Variants in LGALS13 observed in about 807,000 individuals in gnomAD.
The protein encoded by LGALS13 is galactoside-binding soluble lectin 13.
In LGALS13, 11 loss-of-function variants were observed where a neutral mutation model predicts 13.2. The ratio of observed to expected loss-of-function variants is 0.83; its 90% CI spans 0.52 to 1.38. The LOEUF is 1.38. Among genes scored for constraint, LGALS13 ranks in the 40% most tolerant of loss-of-function variants. The pLI is 0.00. For synonymous variants in LGALS13, 71 were observed against 63.7 expected, an observed-to-expected ratio of 1.11 and a Z score of -0.54; for missense variants, 183 against 174.3, an observed-to-expected ratio of 1.05 and a Z score of -0.28.
intron 2 of LGALS13, 40 bp downstream of exon 2, chr19:39,604,718 G>A (rs1352871303): frequency 1.2e-6 from 2 of 1,609,934 alleles, no homozygotes; most frequent in South Asian, 1.1e-5. Flanking sequence ...TGGAGAAGAA[G>A]GGAGAATATT....
At chr19:39,604,772 G>A in intron 2 of LGALS13, 94 bp downstream of exon 2, 2 of 1,492,114 alleles carry the variant, frequency 1.3e-6, no homozygotes, top group East Asian at 4.5e-5. Context: ...GAAATGTCTA[G>A]TTGGCAGAAT....
Position 39,605,278 on chromosome 19 carries a change from A to G in LGALS13, c.193A>G (p.Asn65Asp). ...GCACTTTGGCAATCATGTGGTCATGAACAGGCGTGAGTTTGGGATATGGAT... is the reference window on the plus strand; with the variant it reads ...GCACTTTGGCAATCATGTGGTCATGGACAGGCGTGAGTTTGGGATATGGAT... ...RVHFGNHVVM[N>D]RREFGIWMLE... The change falls in exon 3 of 4, where the codon AAC becomes GAC. Residue 65 changes from asparagine (N) to aspartate (D), a missense_variant. Asn to Asp is a conservative substitution (Grantham distance 23, BLOSUM62 1). Transcript: ENST00000221797. 6.2e-7 allele frequency: 1 copy of G among 1,614,208 alleles called. No individual in the cohort carries two copies. Among genetic ancestry groups the G allele is most frequent in the Non-Finnish European group, 8.5e-7 (1 of 1,180,028 alleles).
rs1393301797 is a variant in LGALS13 at position 39,607,206 on chromosome 19, C to CA, written c.304-16dup. The stretch of plus-strand genomic sequence containing the variant: ...TTGGTGGCATGCTTTCTTTCTGATG[C>CA]ATTTTTCCTCTTGTAGATAAAGGTC... On this transcript the variant is annotated splice_polypyrimidine_tract_variant and intron_variant, in intron 3 of 3. Coordinates refer to ENST00000221797, the MANE Select transcript of LGALS13 (RefSeq NM_013268.3). 2 of 1,584,702 alleles carry CA rather than the reference C, an allele frequency of 1.3e-6. No individual in the cohort carries two copies. The highest frequency in any genetic ancestry group is 4.5e-5 in the East Asian group (2 of 44,704).
In LGALS13 at chr19:39,604,737, T is replaced by G; in HGVS notation, c.92+59T>G. The G allele has an allele frequency of 7.5e-6, 12 of 1,597,264 alleles. No homozygotes were observed. The Admixed American group carries it at 2.0e-4, about 27-fold the overall frequency. The stretch of plus-strand genomic sequence containing the variant: ...GAAGAAGGGAGAATATTTGCGAAGA[T>G]TTGACCTTACATGTGGGTGATGTGG... On this transcript the variant is annotated intron_variant, in intron 2 of 3. Coordinates refer to ENST00000221797, the MANE Select transcript of LGALS13 (RefSeq NM_013268.3).
intron 2 of LGALS13, 146 bp from the exon 3 acceptor site, chr19:39,605,031 CT>C: frequency 1.3e-6 from 1 of 751,602 alleles, no homozygotes; most frequent in African/African-American, 1.7e-5. Flanking sequence ...GCATGAGGAG[CT>C]GAAGCATCCC....
intron 3 of LGALS13, among the ~76,000 whole-genome samples, chr19:39,606,903 T>C (rs1311591043): frequency 6.6e-6 from 1 of 152,140 alleles, no homozygotes; most frequent in Non-Finnish European, 1.5e-5. Context: ...CTGTGCGAGA[T>C]GCAGGGTCTC....
Position 39,607,423 on chromosome 19 carries a change from C to A in LGALS13, c.*84C>A. On this transcript the variant is annotated 3_prime_UTR_variant, in exon 4 of 4. Coordinates refer to ENST00000221797, the MANE Select transcript of LGALS13 (RefSeq NM_013268.3). The stretch of plus-strand genomic sequence containing the variant: ...TCCCAGAACCTGCTAACAGAATAAT[C>A]CCTGCTCACATTTTCCCCTACACTT... 2.2e-6 allele frequency: 2 copies of A among 897,110 alleles called. No homozygotes were observed. Among genetic ancestry groups the A allele is most frequent in the Non-Finnish European group, 3.8e-6 (2 of 531,286 alleles). The allele number at this position is 897,110 out of a possible 1,614,324, so 55.6% of individuals were successfully genotyped here. A position where few individuals can be genotyped will look rare whatever the true frequency, so the allele number is the denominator to read the frequency against.
At chr19:39,604,709 G>A in intron 2 of LGALS13, 31 bp downstream of exon 2, 1 of 1,608,298 alleles carries the variant, frequency 6.2e-7, no homozygotes, top group South Asian at 1.1e-5. Context: ...TGGAGGGGTT[G>A]GAGAAGAAGG....
chr19:39,606,558 TAAG>T (rs1388357083), intron 3 of LGALS13, among the ~76,000 whole-genome samples: 5 of 152,236 alleles, frequency 3.3e-5, no homozygotes, highest in Admixed American at 3.3e-4. Context: ...TTAATACTAA[TAAG>T]GTTACTTTCT....
At chr19:39,605,446 A>C in intron 3 of LGALS13, 58 bp downstream of exon 3, 1 of 1,417,132 alleles carries the variant, frequency 7.1e-7, no homozygotes, top group Non-Finnish European at 1.0e-6. Flanking sequence ...AACAGGAGGC[A>C]GCTCTCATTG....
At position 39,602,591 on chromosome 19, in the gene LGALS13, G is replaced by C; in HGVS notation, c.15+8G>C. On this transcript the variant is annotated splice_region_variant and intron_variant, in intron 1 of 3. Transcript: ENST00000221797. ...ACAATGTCTTCTTTACCCGTGAGTT[G>C]AAAAGGCACAGCCTTCAAAAATTTC... is the stretch of plus-strand genomic sequence containing the variant. 1 of 1,614,062 alleles carries C rather than the reference G, an allele frequency of 6.2e-7. No individual in the cohort carries two copies. Among genetic ancestry groups the C allele is most frequent in the Non-Finnish European group, 8.5e-7 (1 of 1,179,906 alleles).
chr19:39,604,573 C>G, intron 1 of LGALS13, 29 bp from the exon 2 acceptor site: 7 of 1,613,050 alleles, frequency 4.3e-6, no homozygotes, highest in Non-Finnish European at 5.9e-6. Flanking sequence ...TGACCCTGCA[C>G]CTCTCACTTA....
chr19:39,604,455 A>C, intron 1 of LGALS13, 147 bp from the exon 2 acceptor site: 4 of 851,210 alleles, frequency 4.7e-6, no homozygotes, highest in South Asian at 1.4e-5. Context: ...CTTCAGGAAT[A>C]TGGGGCCCTG....
At chr19:39,606,188 C>G (rs1972685758) in intron 3 of LGALS13, among the ~76,000 whole-genome samples, 1 of 152,166 alleles carries the variant, frequency 6.6e-6, no homozygotes, top group African/African-American at 2.4e-5. Context: ...ATAGATATGT[C>G]TATGATTTCA....
chr19:39,607,384 C>G lies in LGALS13; in HGVS notation c.*45C>G, dbSNP rs749532097. On this transcript the variant is annotated 3_prime_UTR_variant, in exon 4 of 4. Coordinates refer to ENST00000221797, the MANE Select transcript of LGALS13 (RefSeq NM_013268.3). Reference sequence around the variant, plus strand: ...CATTGTTGAGGAATCCCTCTTTCTACCTGACCATGGGATTCCCAGAACCTG... The same window carrying G: ...CATTGTTGAGGAATCCCTCTTTCTAGCTGACCATGGGATTCCCAGAACCTG... The G allele has an allele frequency of 1.6e-6, 2 of 1,270,842 alleles. No individual in the cohort carries two copies. Among genetic ancestry groups the G allele is most frequent in the Non-Finnish European group, 2.3e-6 (2 of 866,814 alleles). The allele number at this position is 1,270,842 out of a possible 1,614,324, so 78.7% of individuals were successfully genotyped here. A position where few individuals can be genotyped will look rare whatever the true frequency, so the allele number is the denominator to read the frequency against.
rs1972683913 is a variant in LGALS13 at position 39,606,038 on chromosome 19, G to T, written c.303+650G>T. ...ATTTTTGTATTTTTAGGGGAGACGGGGGTTCACCACTTTGGCCAGGCTGGT... is the reference window on the plus strand; with the variant it reads ...ATTTTTGTATTTTTAGGGGAGACGGTGGTTCACCACTTTGGCCAGGCTGGT... On this transcript the variant is annotated intron_variant, in intron 3 of 3. Coordinates refer to ENST00000221797, the MANE Select transcript of LGALS13 (RefSeq NM_013268.3). 3.3e-5 allele frequency among the ~76,000 whole-genome samples: 5 copies of T among 152,216 alleles called. No homozygotes were observed. The South Asian group carries it at 1.0e-3, about 32-fold the overall frequency.
intron 3 of LGALS13, 74 bp downstream of exon 3, chr19:39,605,462 GC>G (rs1972673481): frequency 8.1e-7 from 1 of 1,236,466 alleles, no homozygotes; most frequent in East Asian, 2.4e-5. Flanking sequence ...CATTGATCTG[GC>G]CTCAGTAGTC....
chr19:39,604,716 A>T (rs1239010393), intron 2 of LGALS13, 38 bp downstream of exon 2: 1 of 1,610,168 alleles, frequency 6.2e-7, no homozygotes, highest in Non-Finnish European at 8.5e-7. Flanking sequence ...GTTGGAGAAG[A>T]AGGGAGAATA....
Position 39,602,556 on chromosome 19 carries a change from G to A in LGALS13, c.-13G>A. On this transcript the variant is annotated 5_prime_UTR_variant, in exon 1 of 4. Coordinates refer to ENST00000221797, the MANE Select transcript of LGALS13 (RefSeq NM_013268.3). ...TGGACTCAATTCTGAAGGTCGCCAA[G>A]AAGGAGAGAACAATGTCTTCTTTAC... The A allele has an allele frequency of 6.2e-7, 1 of 1,614,010 alleles. No homozygotes were observed.
Sources: allele counts gnomAD v4.1 joint callset (sites outside exome capture counted in the v4.1 genomes callset), GRCh38; gene constraint gnomAD v4.1.1; transcripts MANE v1.5; gene names NCBI Gene and HGNC (gene_info 2026-07-23, HGNC 2026-07-21).